The following CELF4 variants were observed in gnomAD, a reference collection of about 807,000 sequenced individuals.
CELF4 encodes the protein CUG-BP- and ETR-3-like factor 4.
A neutral mutation model predicts 59.9 loss-of-function variants in CELF4; 18 were observed. The ratio of observed to expected loss-of-function variants is 0.30; its 90% confidence interval spans 0.21 to 0.45. The LOEUF (loss-of-function observed/expected upper bound fraction) is 0.45, where lower values mean the gene tolerates loss of function less well. CELF4 is among the 20% of genes least tolerant of loss of function. The probability of loss-of-function intolerance (pLI) is 1.00; values close to 1 mark genes in which losing one functional copy is unlikely to be tolerated. For missense variants in CELF4, 456 were observed against 689.0 expected, an observed-to-expected ratio of 0.66 and a Z score of 3.79; for synonymous variants, 261 against 267.1, an observed-to-expected ratio of 0.98 and a Z score of 0.22.
chr18:37,426,499 G>A (rs984668781), intron 2 of CELF4, among the ~76,000 whole-genome samples: 2 of 152,240 alleles, frequency 1.3e-5, no homozygotes, highest in African/African-American at 4.8e-5. Flanking sequence ...GGGCTGAGCT[G>A]TGGGAGAGCC....
intron 2 of CELF4, among the ~76,000 whole-genome samples, chr18:37,453,447 C>A (rs757958429): frequency 1.3e-5 from 2 of 152,186 alleles, no homozygotes; most frequent in Non-Finnish European, 2.9e-5. Context: ...GAGTACTGAC[C>A]GTGTGACACT....
chr18:37,251,070 G>C (rs897300299), intron 12 of CELF4, among the ~76,000 whole-genome samples: 11 of 152,130 alleles, frequency 7.2e-5, no homozygotes, highest in Non-Finnish European at 4.4e-5. Flanking sequence ...AGGCTCCCTG[G>C]CTTCAAAGCT....
At chr18:37,544,591 G>T (rs938598953) in intron 1 of CELF4, among the ~76,000 whole-genome samples, 1 of 152,206 alleles carries the variant, frequency 6.6e-6, no homozygotes, top group Non-Finnish European at 1.5e-5. Flanking sequence ...GGGTACGTGT[G>T]TGTGCTTGTA....
At chr18:37,380,572 A>G (rs1194094637) in intron 2 of CELF4, among the ~76,000 whole-genome samples, 1 of 151,750 alleles carries the variant, frequency 6.6e-6, no homozygotes. Context: ...CCATCCATTT[A>G]TTTATCCATC....
At chr18:37,560,702 C>T (rs78909856) in intron 1 of CELF4, among the ~76,000 whole-genome samples, 429 of 152,218 alleles carry the variant, frequency 2.8e-3, no homozygotes, top group Non-Finnish European at 4.8e-3. Flanking sequence ...TGAGCTCATG[C>T]CCATGCTAAT....
chr18:37,352,959 C>A (rs1269788), intron 2 of CELF4, among the ~76,000 whole-genome samples: 412 of 152,014 alleles, frequency 2.7e-3, no homozygotes, highest in Middle Eastern at 0.014. Flanking sequence ...CGGTAGCTCA[C>A]GCCTGTAATC....
At chr18:37,243,039 A>C (rs1786070), downstream of CELF4, 61,537 of 152,030 alleles carry the variant, frequency 0.4, 14,615 homozygotes, top group African/African-American at 0.66. Flanking sequence ...ATGAAGAAAT[A>C]TTTTTTTAAA....
intron 1 of CELF4, among the ~76,000 whole-genome samples, chr18:37,516,659 C>G (rs2099950932): frequency 1.3e-5 from 2 of 152,224 alleles, no homozygotes; most frequent in African/African-American, 4.8e-5. Context: ...CCATGAATGA[C>G]TTATTCAAGG....
chr18:37,512,647 CCTT>C (rs1320571244), intron 1 of CELF4, among the ~76,000 whole-genome samples: 1 of 151,434 alleles, frequency 6.6e-6, no homozygotes, highest in African/African-American at 2.4e-5. Flanking sequence ...TCTTCCTCCT[CCTT>C]CTCCATCTCT....
intron 2 of CELF4, among the ~76,000 whole-genome samples, chr18:37,353,233 A>AAATATATATATATAT (rs71168258): frequency 9.9e-4 from 106 of 106,934 alleles, no homozygotes; most frequent in Non-Finnish European, 1.5e-3. Context: ...AAAAAAAAAA[A>AAATATATATATATAT]ATATATATAT....
At chr18:37,258,266 C>T (rs1196510295) in intron 11 of CELF4, among the ~76,000 whole-genome samples, 3 of 151,266 alleles carry the variant, frequency 2.0e-5, no homozygotes, top group African/African-American at 7.3e-5. Context: ...GTGAAACACC[C>T]CCCTCTGCAT....
At chr18:37,348,953 G>A (rs2098371796) in intron 2 of CELF4, among the ~76,000 whole-genome samples, 3 of 152,138 alleles carry the variant, frequency 2.0e-5, no homozygotes, top group South Asian at 2.1e-4. Flanking sequence ...CAGGGGGTTT[G>A]GGAGAGGCTG....
intron 1 of CELF4, among the ~76,000 whole-genome samples, chr18:37,501,632 G>A (rs2099931980): frequency 6.6e-6 from 1 of 152,234 alleles, no homozygotes. Flanking sequence ...AGACTGTAGA[G>A]GCCTGAGGAA....
At chr18:37,473,939 G>A (rs893498696) in intron 2 of CELF4, 3 of 152,220 alleles carry the variant, frequency 2.0e-5, no homozygotes, top group Non-Finnish European at 2.9e-5. Flanking sequence ...TCTGGCCAAT[G>A]AGACATACTT....
At chr18:37,278,269 A>G (rs988500366) in intron 3 of CELF4, among the ~76,000 whole-genome samples, 3 of 152,098 alleles carry the variant, frequency 2.0e-5, no homozygotes, top group African/African-American at 7.2e-5. Context: ...ACCTTTCTGG[A>G]GGGCTGCAAG....
chr18:37,246,396 C>CA lies in CELF4; in HGVS notation c.*45-1200dup, dbSNP rs1332596673. ...TTAGTACTGTTTCTTCCAAACCAAC[C>CA]AAAAAAAACCCTCCCGAGCCCCCAG... On this transcript the variant is annotated intron_variant, in intron 12 of 12. Coordinates refer to ENST00000420428, the MANE Select transcript of CELF4 (RefSeq NM_020180.4). The surrounding 1 kb of genome is among the most constrained non-coding windows in gnomAD (Gnocchi z 5.3). Among the ~76,000 whole-genome samples, 5 of 151,772 alleles carry CA rather than the reference C, an allele frequency of 3.3e-5. No homozygotes were observed. Among genetic ancestry groups the CA allele is most frequent in the South Asian group, 2.1e-4 (1 of 4,792 alleles).
At chr18:37,347,961 C>T (rs889882943) in intron 2 of CELF4, among the ~76,000 whole-genome samples, 6 of 152,140 alleles carry the variant, frequency 3.9e-5, no homozygotes, top group African/African-American at 1.4e-4. Flanking sequence ...TCAGAAGGGG[C>T]CAACCAGGTG....
intron 11 of CELF4, among the ~76,000 whole-genome samples, chr18:37,258,825 AC>A (rs2072089025): frequency 6.6e-6 from 1 of 151,994 alleles, no homozygotes; most frequent in Admixed American, 6.5e-5. Flanking sequence ...TGCCCCTCCT[AC>A]CCCTGTCAAG....
chr18:37,387,863 C>T (rs887762369), intron 2 of CELF4, among the ~76,000 whole-genome samples: 1 of 152,208 alleles, frequency 6.6e-6, no homozygotes, highest in Non-Finnish European at 1.5e-5. Flanking sequence ...AGGGAGCCCC[C>T]TGCACTCTCT....
Sources: allele counts gnomAD v4.1 joint callset (sites outside exome capture counted in the v4.1 genomes callset), GRCh38; gene constraint gnomAD v4.1.1; non-coding constraint Gnocchi (gnomAD v3.1); transcripts MANE v1.5; gene names NCBI Gene and HGNC (gene_info 2026-07-23, HGNC 2026-07-21).